SAMD12: variants seen among roughly 807,000 people sequenced by gnomAD.
The protein encoded by SAMD12 is sterile alpha motif domain-containing protein 12.
Under a neutral mutation model 15.0 loss-of-function variants are expected in SAMD12, and 9 were observed. The ratio of observed to expected loss-of-function variants is 0.60; its 90% CI spans 0.36 to 1.05. The LOEUF (loss-of-function observed/expected upper bound fraction) is 1.05. SAMD12 is among the 50% of genes least tolerant of loss of function. SAMD12 has a pLI of 0.01. For missense variants in SAMD12, 230 were observed against 234.2 expected, an observed-to-expected ratio of 0.98 and a Z score of 0.12; for synonymous variants, 86 against 90.1, an observed-to-expected ratio of 0.96 and a Z score of 0.25.
the SAMD12 span, among the ~76,000 whole-genome samples, chr8:118,164,949 A>G: frequency 6.8e-6 from 1 of 148,072 alleles, no homozygotes; most frequent in Non-Finnish European, 1.5e-5. Flanking sequence ...TCATATTCTC[A>G]GTCAATATTT....
At chr8:118,153,749 C>G in the SAMD12 span, among the ~76,000 whole-genome samples, 1 of 152,128 alleles carries the variant, frequency 6.6e-6, no homozygotes, top group African/African-American at 2.4e-5. Context: ...AGAGTGATAT[C>G]TTTACCTTTC....
At chr8:118,276,729 G>A (rs143463022) in intron 4 of SAMD12, among the ~76,000 whole-genome samples, 1 of 152,272 alleles carries the variant, frequency 6.6e-6, no homozygotes, top group East Asian at 1.9e-4. Flanking sequence ...CTGGAGTGCG[G>A]TGGTGTGATC....
chr8:118,180,439 G>A, the SAMD12 span, among the ~76,000 whole-genome samples: 10 of 152,022 alleles, frequency 6.6e-5, no homozygotes, highest in Non-Finnish European at 1.3e-4. Context: ...CCCCCAACCC[G>A]CTGACCCTGG....
intron 4 of SAMD12, among the ~76,000 whole-genome samples, chr8:118,320,672 T>TGGGGGGGGG (rs71569763): frequency 4.7e-4 from 39 of 83,866 alleles, no homozygotes; most frequent in Admixed American, 6.9e-4. Context: ...TGTCGTGGGG[T>TGGGGGGGGG]GGGGGGGGTG....
At chr8:118,489,385 C>T (rs552993532) in intron 2 of SAMD12, among the ~76,000 whole-genome samples, 10 of 152,154 alleles carry the variant, frequency 6.6e-5, no homozygotes, top group African/African-American at 1.9e-4. Context: ...CATTTTTGTG[C>T]TTTGTTTCAG....
At chr8:118,554,415 C>G (rs1452180788) in intron 2 of SAMD12, among the ~76,000 whole-genome samples, 1 of 151,800 alleles carries the variant, frequency 6.6e-6, no homozygotes, top group Non-Finnish European at 1.5e-5. Context: ...TCATCATTCT[C>G]AGTAAACTAT....
the SAMD12 span, among the ~76,000 whole-genome samples, chr8:118,154,827 TG>T: frequency 2.0e-5 from 3 of 152,054 alleles, no homozygotes; most frequent in African/African-American, 7.2e-5. Flanking sequence ...TTGAGAGCAG[TG>T]ACAGAAAAAG....
chr8:118,183,612 T>C, the SAMD12 span, among the ~76,000 whole-genome samples: 1 of 152,220 alleles, frequency 6.6e-6, no homozygotes, highest in African/African-American at 2.4e-5. Context: ...GCCTAATAAT[T>C]GAATCCCTTT....
At chr8:118,508,060 C>G (rs139526570) in intron 2 of SAMD12, among the ~76,000 whole-genome samples, 3,466 of 135,598 alleles carry the variant, frequency 0.026, 114 homozygotes, top group African/African-American at 0.084. Flanking sequence ...GTGGTGCCAT[C>G]ATAGCTCACT....
intron 2 of SAMD12, among the ~76,000 whole-genome samples, chr8:118,486,425 A>AATG (rs1554672803): frequency 2.0e-5 from 3 of 149,278 alleles, no homozygotes; most frequent in Admixed American, 6.7e-5. Flanking sequence ...AAAAAAAAAA[A>AATG]AGAGAGAGAG....
chr8:118,176,489 A>T, the SAMD12 span, among the ~76,000 whole-genome samples: 2 of 152,218 alleles, frequency 1.3e-5, no homozygotes, highest in Non-Finnish European at 2.9e-5. Context: ...AGCCATAAAA[A>T]AGAATGATAT....
intron 3 of SAMD12, among the ~76,000 whole-genome samples, chr8:118,425,152 ATGG>A (rs1822189232): frequency 6.6e-6 from 1 of 152,044 alleles, no homozygotes; most frequent in Non-Finnish European, 1.5e-5. Flanking sequence ...GTTAGCCAGG[ATGG>A]TCTCAATTTC....
chr8:118,522,181 C>CAT lies in SAMD12; in HGVS notation c.192+58533_192+58534insAT, dbSNP rs778989418. ...AAACACACACACACACACACACATA[C>CAT]ACACACACACACACACATACACACA... On this transcript the variant is annotated intron_variant, in intron 2 of 3. Transcript: ENST00000314727. Among the ~76,000 whole-genome samples the CAT allele has an allele frequency of 1.1e-4, 9 of 83,604 alleles. No individual in the cohort carries two copies. In the East Asian group the frequency reaches 2.5e-3, roughly 23 times the overall value. 54.8% of individuals were successfully genotyped at this position (83,604 alleles called of 152,430 possible).
intron 2 of SAMD12, among the ~76,000 whole-genome samples, chr8:118,549,342 G>A (rs1373624102): frequency 1.3e-5 from 2 of 152,230 alleles, no homozygotes; most frequent in African/African-American, 4.8e-5. Flanking sequence ...ACTTCCAGAG[G>A]AAATATCAGA....
chr8:118,432,139 C>T (rs984976458), intron 3 of SAMD12, among the ~76,000 whole-genome samples: 1 of 152,110 alleles, frequency 6.6e-6, no homozygotes, highest in African/African-American at 2.4e-5. Context: ...GTCATCTGTT[C>T]TGGCATATAG....
At chr8:118,283,051 T>A (rs1402028426) in intron 4 of SAMD12, among the ~76,000 whole-genome samples, 1 of 152,208 alleles carries the variant, frequency 6.6e-6, no homozygotes, top group East Asian at 1.9e-4. Flanking sequence ...TATAGTGGCA[T>A]GTGGAATTTC....
chr8:118,231,215 G>A (rs2129922417), intron 4 of SAMD12, among the ~76,000 whole-genome samples: 1 of 152,288 alleles, frequency 6.6e-6, no homozygotes, highest in East Asian at 1.9e-4. Flanking sequence ...CTGTGCTACA[G>A]CAGGGAGCCA....
chr8:118,341,349 A>G (rs1412488248), intron 4 of SAMD12, among the ~76,000 whole-genome samples: 1 of 152,214 alleles, frequency 6.6e-6, no homozygotes, highest in Non-Finnish European at 1.5e-5. Context: ...TCCAGATCCA[A>G]GAGGAGCATA....
chr8:118,461,501 T>G (rs1421926403), intron 2 of SAMD12, among the ~76,000 whole-genome samples: 1 of 152,190 alleles, frequency 6.6e-6, no homozygotes, highest in Middle Eastern at 3.2e-3. Context: ...TCCGTTCTTC[T>G]CAGCAGAGGT....
Sources: gnomAD v4.1 joint callset for allele counts (sites outside exome capture counted in the v4.1 genomes callset) on GRCh38, gnomAD v4.1.1 for gene constraint, MANE v1.5 for transcripts, NCBI Gene and HGNC (gene_info 2026-07-23, HGNC 2026-07-21) for gene names.